TRIM14: variants seen among roughly 807,000 people sequenced by gnomAD.
TRIM14 encodes tripartite motif-containing protein 14.
Under a neutral mutation model 44.5 loss-of-function variants are expected in TRIM14, and 28 were observed. The ratio of observed to expected loss-of-function variants is 0.63; its 90% CI spans 0.47 to 0.86. The LOEUF is 0.86. TRIM14 is among the 40% of genes least tolerant of loss of function. TRIM14 has a pLI of 0.00. For missense variants in TRIM14, 607 were observed against 611.1 expected, an observed-to-expected ratio of 0.99 and a Z score of 0.07; for synonymous variants, 299 against 269.2, an observed-to-expected ratio of 1.11 and a Z score of -1.08.
chr9:98,109,304 G>A (rs921257569), intron 2 of TRIM14, among the ~76,000 whole-genome samples: 1 of 146,990 alleles, frequency 6.8e-6, no homozygotes, highest in Non-Finnish European at 1.5e-5. Context: ...AAGGGGGAGG[G>A]AGCAACGGAG....
chr9:98,093,023 AG>A (rs1457500826), intron 4 of TRIM14, among the ~76,000 whole-genome samples: 1 of 152,210 alleles, frequency 6.6e-6, no homozygotes, highest in Non-Finnish European at 1.5e-5. Context: ...CTAGAATCAT[AG>A]GTCCTACTGC....
At chr9:98,113,737 G>A (rs1826945717) in intron 1 of TRIM14, among the ~76,000 whole-genome samples, 1 of 152,172 alleles carries the variant, frequency 6.6e-6, no homozygotes, top group Non-Finnish European at 1.5e-5. Flanking sequence ...ATTTACTTTT[G>A]CATAAATGGC....
intron 6 of TRIM14, among the ~76,000 whole-genome samples, chr9:98,077,590 T>C (rs1001504712): frequency 2.0e-5 from 3 of 152,094 alleles, no homozygotes; most frequent in Admixed American, 2.0e-4. Flanking sequence ...TGGTGGTGCA[T>C]TACTGTGGCC....
downstream of TRIM14, among the ~76,000 whole-genome samples, chr9:98,067,924 G>A (rs575683331): frequency 1.3e-5 from 2 of 152,186 alleles, no homozygotes; most frequent in South Asian, 4.2e-4. Context: ...ATCTCACTAT[G>A]TAGCCCAGGC....
intron 2 of TRIM14, among the ~76,000 whole-genome samples, chr9:98,103,903 C>T (rs1444744952): frequency 6.6e-6 from 1 of 151,922 alleles, no homozygotes; most frequent in Non-Finnish European, 1.5e-5. Flanking sequence ...TCTGCACAGT[C>T]CACATAGCAG....
intron 1 of TRIM14, among the ~76,000 whole-genome samples, chr9:98,114,341 G>GT (rs566542519): frequency 5.3e-4 from 79 of 147,840 alleles, no homozygotes; most frequent in South Asian, 1.3e-3. Context: ...CAGACAATTT[G>GT]TTTTTTTTTT....
intron 1 of TRIM14, among the ~76,000 whole-genome samples, chr9:98,117,275 G>GTTTT (rs1476213578): frequency 4.3e-5 from 6 of 140,100 alleles, no homozygotes; most frequent in South Asian, 2.4e-4. Context: ...GAGATTCTCT[G>GTTTT]TTTTATTTAT....
At chr9:98,067,922 A>G (rs1430954186), downstream of TRIM14, among the ~76,000 whole-genome samples, 1 of 152,074 alleles carries the variant, frequency 6.6e-6, no homozygotes, top group Non-Finnish European at 1.5e-5. Context: ...AGATCTCACT[A>G]TGTAGCCCAG....
chr9:98,060,720 A>G, the TRIM14 span: 1 of 1,509,446 alleles, frequency 6.6e-7, no homozygotes, highest in East Asian at 2.3e-5. Context: ...TTGCTCCAGA[A>G]TTTTTTCCTT....
chr9:98,076,678 C>G, intron 6 of TRIM14: 1 of 468,008 alleles, frequency 2.1e-6, no homozygotes, highest in Non-Finnish European at 3.7e-6. Flanking sequence ...TTTCCAGATT[C>G]CTGTAGCCAG....
chr9:98,051,292 G>A, the TRIM14 span, among the ~76,000 whole-genome samples: 36 of 152,214 alleles, frequency 2.4e-4, no homozygotes, highest in African/African-American at 7.7e-4. Context: ...ATAGATCAAA[G>A]AATGAGCTAG....
rs570970127 is a variant in TRIM14, at chr9:98,087,221, A to C, written c.*249T>G. On this transcript the variant is annotated 3_prime_UTR_variant, in exon 6 of 6. Transcript: ENST00000341469. ...GAAGGAACTGGATTAAAGTAGTGTA[A>C]GTGATGGTGGGGTGAGGGTGCGGAG... is the stretch of plus-strand genomic sequence containing the variant. 2 of 771,154 alleles carry C rather than the reference A, an allele frequency of 2.6e-6. No homozygotes were observed. Among genetic ancestry groups the C allele is most frequent in the Non-Finnish European group, 4.8e-6 (2 of 414,002 alleles). 47.8% of individuals were successfully genotyped at this position (771,154 alleles called of 1,614,324 possible). A position where few individuals can be genotyped will look rare whatever the true frequency, so the allele number is the denominator to read the frequency against.
chr9:98,058,606 A>T, the TRIM14 span, among the ~76,000 whole-genome samples: 15 of 152,222 alleles, frequency 9.9e-5, no homozygotes, highest in Non-Finnish European at 1.5e-5. Flanking sequence ...TTGTAGAAAT[A>T]TCTAGAGATA....
the TRIM14 span, among the ~76,000 whole-genome samples, chr9:98,059,870 A>G: frequency 6.6e-6 from 1 of 152,146 alleles, no homozygotes; most frequent in Non-Finnish European, 1.5e-5. Context: ...TGTCATGGAG[A>G]AAAGCGCCAG....
chr9:98,059,599 G>A, the TRIM14 span, among the ~76,000 whole-genome samples: 3 of 152,064 alleles, frequency 2.0e-5, no homozygotes, highest in Non-Finnish European at 4.4e-5. Flanking sequence ...ATTTTTTGTA[G>A]AGACAGGGTC....
chr9:98,078,128 T>C (rs766338070), intron 6 of TRIM14: 4 of 1,600,264 alleles, frequency 2.5e-6, no homozygotes, highest in Non-Finnish European at 3.4e-6. Flanking sequence ...GCAGTTGGGA[T>C]GTGTTGGGGA....
intron 6 of TRIM14, among the ~76,000 whole-genome samples, chr9:98,070,648 G>A (rs954829776): frequency 1.3e-5 from 2 of 151,988 alleles, no homozygotes; most frequent in Non-Finnish European, 1.5e-5. Flanking sequence ...TCAAACTCCC[G>A]ACCTCAGGTG....
At position 98,095,500 on chromosome 9, in the gene TRIM14, T is replaced by C. The variant is rs752347985; in HGVS notation, c.538-471A>G. 3.5e-4 allele frequency among the ~76,000 whole-genome samples: 53 copies of C among 152,258 alleles called. No individual in the cohort carries two copies. The highest frequency in any genetic ancestry group is 2.9e-4 in the Non-Finnish European group (20 of 68,006). ...TCAAAGGTGGAGCAGGAAACCATGT[T>C]CTAAGAAGGACGCCAAAGGCCAGCA... On this transcript the variant is annotated intron_variant, in intron 3 of 5. Coordinates refer to ENST00000341469, the MANE Select transcript of TRIM14 (RefSeq NM_014788.4). This position sits in a 1 kb window ranked among gnomAD's most constrained non-coding sequence, Gnocchi z 4.1.
chr9:98,052,879 C>A, the TRIM14 span, among the ~76,000 whole-genome samples: 2 of 152,282 alleles, frequency 1.3e-5, no homozygotes, highest in South Asian at 4.1e-4. Context: ...AGGTAACCTC[C>A]CATGTGAAAT....
Sources: allele counts gnomAD v4.1 joint callset (sites outside exome capture counted in the v4.1 genomes callset), GRCh38; gene constraint gnomAD v4.1.1; non-coding constraint Gnocchi (gnomAD v3.1); transcripts MANE v1.5; gene names NCBI Gene and HGNC (gene_info 2026-07-23, HGNC 2026-07-21).